Variants in PFKL observed in about 807,000 individuals in gnomAD.
The protein encoded by PFKL is phosphofructokinase, liver type, also known as ATP-dependent 6-phosphofructokinase, liver type.
PFKL carries 74 observed loss-of-function variants against 92.1 expected under a neutral mutation model. That is an observed-to-expected ratio of 0.80 (90% CI 0.67 to 0.97). The LOEUF is 0.97. Among genes scored for constraint, PFKL ranks in the 50% least tolerant of loss-of-function variants. The pLI, the probability that PFKL is intolerant of heterozygous loss-of-function variation, is 0.00. For missense variants in PFKL, 1,028 were observed against 1,116.6 expected (o/e 0.92, Z 1.13); for synonymous variants, 494 against 456.4 (o/e 1.08, Z -1.05).
At chr21:44,312,571 GTCT>G (rs1304289303) in intron 4 of PFKL, among the ~76,000 whole-genome samples, 3 of 152,332 alleles carry the variant, frequency 2.0e-5, no homozygotes, top group South Asian at 4.1e-4. Context: ...GCGTAGACAA[GTCT>G]TCTCTGTGAT....
intron 2 of PFKL, among the ~76,000 whole-genome samples, chr21:44,307,957 G>A (rs892346247): frequency 1.2e-4 from 19 of 152,338 alleles, no homozygotes; most frequent in African/African-American, 3.1e-4. Context: ...CAGGTTCATC[G>A]GTGCAGGGCG....
At chr21:44,316,577 G>A in intron 9 of PFKL, 53 bp downstream of exon 9, 5 of 1,349,596 alleles carry the variant, frequency 3.7e-6, no homozygotes, top group Non-Finnish European at 4.1e-6. Context: ...CGTGGTGTGT[G>A]GGTGTGGGTG....
In PFKL at chr21:44,300,338, G is replaced by A. The variant is rs186232709; in HGVS notation, c.85+148G>A. ...GCCTCCCGCCCCGGCCTCCTGCCCC[G>A]GGTCTGTCCCCCGCTCTTCCCCGGC... On this transcript the variant is annotated intron_variant, in intron 1 of 21. Transcript: ENST00000349048. 2,093 of 233,942 alleles carry A rather than the reference G, an allele frequency of 8.9e-3. 48 individuals carry two copies. Among genetic ancestry groups the A allele is most frequent in the African/African-American group, 0.045 (1,947 of 43,102 alleles). 14.5% of individuals were successfully genotyped at this position (233,942 alleles called of 1,614,324 possible).
intron 11 of PFKL, 41 bp downstream of exon 11, chr21:44,319,456 G>T (rs769988531): frequency 1.9e-6 from 3 of 1,545,316 alleles, no homozygotes; most frequent in South Asian, 1.1e-5. Flanking sequence ...TACATGGCTG[G>T]GTCCCGGTGC....
chr21:44,301,531 C>T (rs1178439572), intron 1 of PFKL, among the ~76,000 whole-genome samples: 2 of 152,142 alleles, frequency 1.3e-5, no homozygotes, highest in Non-Finnish European at 2.9e-5. Flanking sequence ...AGGCCGGGTG[C>T]GGTGGCTCAC....
chr21:44,324,677 C>A lies in PFKL; in HGVS notation c.1815+22C>A, dbSNP rs756581871. On this transcript the variant is annotated intron_variant, in intron 17 of 21. Coordinates refer to ENST00000349048, the MANE Select transcript of PFKL (RefSeq NM_002626.6). ...AAAGGTGAGCCCAGCCCAGCCCCTG[C>A]TGCGGCAGACCTGCCGGCATGCCAG... The A allele has an allele frequency of 2.6e-6, 4 of 1,567,506 alleles. No homozygotes were observed. In the African/African-American group the frequency reaches 4.0e-5, roughly 16 times the overall value.
intron 12 of PFKL, chr21:44,321,475 CT>C (rs1301176069): frequency 1.5e-5 from 5 of 334,388 alleles, no homozygotes; most frequent in African/African-American, 6.4e-5. Flanking sequence ...GTGCTCGCCC[CT>C]TCTGCCTCCT....
At chr21:44,323,727 C>T (rs565450716) in intron 15 of PFKL, 39 bp from the exon 16 acceptor site, 104 of 1,582,490 alleles carry the variant, frequency 6.6e-5, no homozygotes, top group East Asian at 1.9e-4. Context: ...ACCCTGGCCT[C>T]GGTGCTGCCC....
At chr21:44,325,775 C>T (rs1290848479) in intron 19 of PFKL, 186 bp from the exon 20 acceptor site, 1 of 587,020 alleles carries the variant, frequency 1.7e-6, no homozygotes, top group African/African-American at 1.9e-5. Context: ...CTGGCCTGGA[C>T]TTGGAGCTGG....
intron 9 of PFKL, among the ~76,000 whole-genome samples, chr21:44,318,040 G>A (rs954836620): frequency 9.2e-5 from 14 of 152,260 alleles, no homozygotes; most frequent in Non-Finnish European, 1.8e-4. Context: ...CTGGGGGGCA[G>A]CTCCTGGATG....
intron 19 of PFKL, 88 bp downstream of exon 19, chr21:44,325,352 G>A: frequency 1.3e-6 from 1 of 795,938 alleles, no homozygotes. Context: ...GCCCTCACGG[G>A]CACCCACGGG....
chr21:44,318,695 C>A, intron 10 of PFKL, 100 bp downstream of exon 10: 1 of 1,086,958 alleles, frequency 9.2e-7, no homozygotes, highest in Non-Finnish European at 1.2e-6. Context: ...CTGTGAGCAC[C>A]GGAGGGCAGG....
In PFKL at chr21:44,316,272, T is replaced by C; in HGVS notation, c.776T>C (p.Ile259Thr). 6.2e-7 allele frequency: 1 copy of C among 1,612,744 alleles called. No homozygotes were observed. Among genetic ancestry groups the C allele is most frequent in the Non-Finnish European group, 8.5e-7 (1 of 1,179,572 alleles). Residue 259 changes from isoleucine (I) to threonine (T), a missense_variant, in exon 8 of 22, where the codon ATC becomes ACC. Ile to Thr is a moderately conservative substitution (Grantham distance 89, BLOSUM62 -1). Transcript: ENST00000349048. ...ETRSRGSRLN[I>T]IIIAEGAIDR... ...CGGAGCCGTGGGTCCCGACTGAACA[T>C]CATCATCATCGCTGAGGGTGCCATT...
chr21:44,316,567 CGTG>C (rs1568958964), intron 9 of PFKL, 43 bp downstream of exon 9: 7 of 1,465,938 alleles, frequency 4.8e-6, no homozygotes, highest in Non-Finnish European at 6.5e-6. Context: ...CGTGGGTAAG[CGTG>C]GTGTGTGGGT....
rs1372728605 is a variant in PFKL, at chr21:44,312,356, TG to T, written c.427+65del. The T allele has an allele frequency of 1.2e-5, 17 of 1,431,380 alleles. No individual in the cohort carries two copies. The African/African-American group carries it at 2.5e-4, about 21-fold the overall frequency. The allele number at this position is 1,431,380 out of a possible 1,614,324, so 88.7% of individuals were successfully genotyped here. ...TTTGTTTTGCCGCTGCTGCCAGGCG[TG>T]GGAATGGGCAGGACAGAGGGACGAG... is the stretch of plus-strand genomic sequence containing the variant. On this transcript the variant is annotated intron_variant, in intron 4 of 21. Coordinates refer to ENST00000349048, the MANE Select transcript of PFKL (RefSeq NM_002626.6).
At chr21:44,315,924 C>T (rs982857938) in intron 7 of PFKL, 34 of 397,284 alleles carry the variant, frequency 8.6e-5, no homozygotes, top group Non-Finnish European at 1.4e-4. Context: ...GAAGGCTTCA[C>T]CAGACACAAG....
At chr21:44,316,216 G>C (rs1396550054) in intron 7 of PFKL, 28 bp from the exon 8 acceptor site, 1 of 1,607,674 alleles carries the variant, frequency 6.2e-7, no homozygotes, top group Non-Finnish European at 8.5e-7. Flanking sequence ...CTGCCTGGCA[G>C]CTGAGCCCTG....
In PFKL at chr21:44,316,228, C is replaced by T. The variant is rs190595036; in HGVS notation, c.748-16C>T. The T allele has an allele frequency of 2.7e-5, 43 of 1,611,270 alleles. No homozygotes were observed. Among genetic ancestry groups the T allele is most frequent in the East Asian group, 4.5e-5 (2 of 44,870 alleles). Reference sequence around the variant, plus strand: ...TCCCTGCCTGGCAGCTGAGCCCTGTCGTGTCTTTGACCCAGACTCGGAGCC... The same window carrying T: ...TCCCTGCCTGGCAGCTGAGCCCTGTTGTGTCTTTGACCCAGACTCGGAGCC... On this transcript the variant is annotated splice_polypyrimidine_tract_variant and intron_variant, in intron 7 of 21. Transcript: ENST00000349048.
intron 15 of PFKL, 109 bp downstream of exon 15, chr21:44,323,158 G>A (rs922864770): frequency 1.1e-6 from 1 of 883,644 alleles, no homozygotes; most frequent in Non-Finnish European, 1.8e-6. Context: ...GCCGATGCAG[G>A]GGCCGAGAGG....
Sources: gnomAD v4.1 joint callset for allele counts (sites outside exome capture counted in the v4.1 genomes callset) on GRCh38, gnomAD v4.1.1 for gene constraint, MANE v1.5 for transcripts, NCBI Gene and HGNC (gene_info 2026-07-23, HGNC 2026-07-21) for gene names.